PADI2: variants seen among roughly 807,000 people sequenced by gnomAD.
PADI2 encodes protein-arginine deiminase type-2.
PADI2 carries 70 observed loss-of-function variants against 81.1 expected under a neutral mutation model. The observed-to-expected ratio is 0.86, with a 90% CI of 0.71 to 1.05. The LOEUF (loss-of-function observed/expected upper bound fraction) is 1.05, where lower values mean the gene tolerates loss of function less well. Ranked by LOEUF, PADI2 falls within the 50% of genes least tolerant of loss-of-function variation. The probability of loss-of-function intolerance (pLI) is 0.00; values close to 1 mark genes in which losing one functional copy is unlikely to be tolerated. For missense variants in PADI2, 853 were observed against 889.9 expected (o/e 0.96, Z 0.53); for synonymous variants, 338 against 358.0 (o/e 0.94, Z 0.63).
intron 3 of PADI2, 77 bp downstream of exon 3, chr1:17,102,910 C>T (rs1931198058): frequency 9.0e-7 from 1 of 1,107,734 alleles, no homozygotes; most frequent in Non-Finnish European, 1.4e-6. Flanking sequence ...TGAGAACCGC[C>T]TAAGTGCCCC....
chr1:17,072,707 C>T (rs1306283652), intron 13 of PADI2, among the ~76,000 whole-genome samples: 1 of 152,220 alleles, frequency 6.6e-6, no homozygotes, highest in Non-Finnish European at 1.5e-5. Flanking sequence ...TGCCTTCTGT[C>T]CATCAAAGTC....
At chr1:17,084,153 G>A (rs2078368131) in intron 8 of PADI2, among the ~76,000 whole-genome samples, 1 of 152,218 alleles carries the variant, frequency 6.6e-6, no homozygotes. Context: ...AAGATGGGAT[G>A]GACGTGAGGA....
At chr1:17,074,988 G>A in intron 12 of PADI2, 39 bp from the exon 13 acceptor site, 1 of 1,413,068 alleles carries the variant, frequency 7.1e-7, no homozygotes, top group Non-Finnish European at 1.0e-6. Context: ...TCAGCAGTGG[G>A]AAGGCACCCA....
At position 17,086,511 on chromosome 1, in the gene PADI2, G is replaced by C; in HGVS notation, c.834+10C>G. 1 of 1,608,808 alleles carries C rather than the reference G, an allele frequency of 6.2e-7. No homozygotes were observed. The highest frequency in any genetic ancestry group is 8.5e-7 in the Non-Finnish European group (1 of 1,177,266). On this transcript the variant is annotated intron_variant, in intron 7 of 15. Transcript: ENST00000375486. ...GTTAGCCCCCTGTGGTGGAGGCCTG[G>C]AGCCCTCACCTGGGCCATGTACTCC...
At chr1:17,116,552 G>A (rs1206907613) in intron 1 of PADI2, among the ~76,000 whole-genome samples, 2 of 152,154 alleles carry the variant, frequency 1.3e-5, no homozygotes, top group Non-Finnish European at 2.9e-5. Flanking sequence ...TGGGGACAGT[G>A]GGCTCGTGGC....
chr1:17,084,624 G>A lies in PADI2; in HGVS notation c.913C>T (p.Pro305Ser). Residue 305 changes from proline to serine, a missense_variant, in exon 8 of 16, where the codon CCT becomes TCT. Transcript: ENST00000375486. ...CAGCACACAAACACCGACACGGGAG[G>A]CAGGATGTTGGGGGTCATGATCCAC... ...APWIMTPNIL[P>S]PVSVFVCCMK... is the part of the protein sequence containing the mutation. 1 of 1,583,290 alleles carries A rather than the reference G, an allele frequency of 6.3e-7. No individual in the cohort carries two copies. Among genetic ancestry groups the A allele is most frequent in the Admixed American group, 1.8e-5 (1 of 56,140 alleles).
chr1:17,077,332 G>A (rs1026132711), intron 11 of PADI2, among the ~76,000 whole-genome samples: 8 of 152,054 alleles, frequency 5.3e-5, no homozygotes, highest in East Asian at 1.9e-4. Flanking sequence ...ATAAACTCCC[G>A]GAGAGCTGGG....
At position 17,115,998 on chromosome 1, in the gene PADI2, C is replaced by T. The variant is rs543026765; in HGVS notation, c.92+3282G>A. The stretch of plus-strand genomic sequence containing the variant: ...CGTGGGTGGCCCAGAGCACCCCTGC[C>T]CATGGTGGCCTGGATGACCCCTCAT... On this transcript the variant is annotated intron_variant, in intron 1 of 15. Coordinates refer to ENST00000375486, the MANE Select transcript of PADI2 (RefSeq NM_007365.3). This position sits in a 1 kb window ranked among gnomAD's most constrained non-coding sequence, Gnocchi z 4.1. Among the ~76,000 whole-genome samples the T allele has an allele frequency of 9.3e-4, 141 of 152,310 alleles. 1 individual carries two copies. Among genetic ancestry groups the T allele is most frequent in the African/African-American group, 3.4e-3 (140 of 41,570 alleles).
At chr1:17,117,803 A>T (rs1931810692) in intron 1 of PADI2, among the ~76,000 whole-genome samples, 1 of 152,146 alleles carries the variant, frequency 6.6e-6, no homozygotes, top group South Asian at 2.1e-4. Context: ...AGACCTGAGC[A>T]CTCTGGCTCC....
Position 17,086,608 on chromosome 1 carries a change from C to T in PADI2, c.747G>A (p.Leu249=), listed in dbSNP as rs570468367. The T allele has an allele frequency of 1.9e-6, 3 of 1,614,110 alleles. No homozygotes were observed. The highest frequency in any genetic ancestry group is 3.3e-5 in the Admixed American group (2 of 60,024). ...GGAAACAGAGGCCTTCCACGAAGAA[C>T]AGCAGCTCCGCGGAGCCACCCGTGT... ...VKYTGGSAEL[L]FFVEGLCFPD... Residue 249 remains leucine (L), a synonymous_variant, in exon 7 of 16, where the codon CTG becomes CTA. Transcript: ENST00000375486.
chr1:17,095,699 A>G (rs998034984), intron 4 of PADI2, among the ~76,000 whole-genome samples: 1 of 152,122 alleles, frequency 6.6e-6, no homozygotes, highest in Non-Finnish European at 1.5e-5. Context: ...CATGGGATGG[A>G]GAAACTGAGA....
chr1:17,082,665 C>T lies in PADI2; in HGVS notation c.1051-13G>A, dbSNP rs554495339. 9.0e-5 allele frequency: 137 copies of T among 1,529,212 alleles called. 3 individuals carry two copies. In the South Asian group the frequency reaches 1.5e-3, roughly 17 times the overall value. 94.7% of individuals were successfully genotyped at this position (1,529,212 alleles called of 1,614,324 possible). On this transcript the variant is annotated splice_polypyrimidine_tract_variant and intron_variant, in intron 9 of 15. Coordinates refer to ENST00000375486, the MANE Select transcript of PADI2 (RefSeq NM_007365.3). ...ACTCAATTTCATCCTGCAGGGACAC[C>T]AAGGAGAACTGTTAGACGAATCCAG...
rs910230 is a variant in PADI2 at position 17,072,258 on chromosome 1, G to C, written c.1550-767C>G. On this transcript the variant is annotated intron_variant, in intron 13 of 15. Transcript: ENST00000375486. Reference sequence around the variant, plus strand: ...TGGCCTCATCTGGGAAGAGACTGCTGGTCCATTGCACTTCCCAGGTTTATA... The same window carrying C: ...TGGCCTCATCTGGGAAGAGACTGCTCGTCCATTGCACTTCCCAGGTTTATA... Among the ~76,000 whole-genome samples, 3 of 152,170 alleles carry C rather than the reference G, an allele frequency of 2.0e-5. No individual in the cohort carries two copies. In the South Asian group the frequency reaches 6.2e-4, roughly 32 times the overall value.
intron 1 of PADI2, among the ~76,000 whole-genome samples, chr1:17,108,460 G>A (rs949136480): frequency 1.3e-5 from 2 of 152,060 alleles, no homozygotes; most frequent in Non-Finnish European, 2.9e-5. Context: ...CTGGGGCCAC[G>A]TTTTGCTGAG....
At chr1:17,118,226 T>C in intron 1 of PADI2, among the ~76,000 whole-genome samples, 1 of 151,968 alleles carries the variant, frequency 6.6e-6, no homozygotes. Flanking sequence ...TCCGTGTGAG[T>C]TCAGCTTGAG....
intron 4 of PADI2, among the ~76,000 whole-genome samples, chr1:17,094,296 C>T (rs1046355496): frequency 3.3e-5 from 5 of 152,322 alleles, no homozygotes; most frequent in African/African-American, 9.6e-5. Context: ...CTCCGCCTTG[C>T]CCCTCGCTCA....
chr1:17,118,939 G>C (rs1931848699), intron 1 of PADI2, among the ~76,000 whole-genome samples: 1 of 152,138 alleles, frequency 6.6e-6, no homozygotes, highest in South Asian at 2.1e-4. Flanking sequence ...GAAGTGAAAG[G>C]GGAGAGGACG....
At chr1:17,079,211 A>C (rs556213667) in intron 11 of PADI2, 53 bp downstream of exon 11, 17 of 1,550,262 alleles carry the variant, frequency 1.1e-5, no homozygotes, top group South Asian at 5.8e-5. Flanking sequence ...CCAAAAGAGA[A>C]ACAGTGACTT....
Position 17,068,896 on chromosome 1 carries a change from G to A in PADI2, c.*148C>T, listed in dbSNP as rs2078244231. 16 of 656,790 alleles carry A rather than the reference G, an allele frequency of 2.4e-5. No homozygotes were observed. The highest frequency in any genetic ancestry group is 4.4e-5 in the Non-Finnish European group (16 of 366,112). The allele number at this position is 656,790 out of a possible 1,614,324, so 40.7% of individuals were successfully genotyped here. A position where few individuals can be genotyped will look rare whatever the true frequency, so the allele number is the denominator to read the frequency against. ...GGACACTGAGGCCCCTCTCAGGGAGGGCAAGGCACAGATACCCCAAATTCC... is the reference window on the plus strand; with the variant it reads ...GGACACTGAGGCCCCTCTCAGGGAGAGCAAGGCACAGATACCCCAAATTCC... On this transcript the variant is annotated 3_prime_UTR_variant, in exon 16 of 16. Transcript: ENST00000375486.
Sources: allele counts gnomAD v4.1 joint callset (sites outside exome capture counted in the v4.1 genomes callset), GRCh38; gene constraint gnomAD v4.1.1; non-coding constraint Gnocchi (gnomAD v3.1); transcripts MANE v1.5; gene names NCBI Gene and HGNC (gene_info 2026-07-23, HGNC 2026-07-21).